The following KIAA1217 variants were observed in gnomAD, a reference collection of about 807,000 sequenced individuals.
KIAA1217 encodes the protein sickle tail protein homolog.
KIAA1217 carries 88 observed loss-of-function variants against 163.9 expected under a neutral mutation model. The observed-to-expected ratio is 0.54, with a 90% CI of 0.45 to 0.64. KIAA1217 has a LOEUF of 0.64. Ranked by LOEUF, KIAA1217 falls within the 30% of genes least tolerant of loss-of-function variation. The probability of loss-of-function intolerance (pLI) is 0.00; values close to 1 mark genes in which losing one functional copy is unlikely to be tolerated. For synonymous variants in KIAA1217, 903 were observed against 923.1 expected (o/e 0.98, Z 0.39); for missense variants, 2,372 against 2,475.0 (o/e 0.96, Z 0.88).
chr10:24,477,311 G>A (rs1223372538), intron 6 of KIAA1217, among the ~76,000 whole-genome samples: 1 of 152,194 alleles, frequency 6.6e-6, no homozygotes, highest in African/African-American at 2.4e-5. Flanking sequence ...ACAACCCAGT[G>A]AGATATGTAC....
At chr10:24,379,362 T>C (rs1932592) in intron 2 of KIAA1217, among the ~76,000 whole-genome samples, 82,377 of 152,170 alleles carry the variant, frequency 0.54, 25,941 homozygotes, top group African/African-American at 0.88. Flanking sequence ...TGGGGACTTG[T>C]ACAGAAAAAT....
At chr10:23,849,996 A>T (rs1839230619) in intron 1 of KIAA1217, among the ~76,000 whole-genome samples, 1 of 152,104 alleles carries the variant, frequency 6.6e-6, no homozygotes, top group Admixed American at 6.6e-5. Flanking sequence ...ACTGCAATGG[A>T]TTTTTTTATT....
At chr10:23,790,855 C>T (rs1008035831) in intron 1 of KIAA1217, among the ~76,000 whole-genome samples, 2 of 151,770 alleles carry the variant, frequency 1.3e-5, no homozygotes, top group Admixed American at 6.6e-5. Flanking sequence ...TGCCTCAGCA[C>T]CCCCCAATAG....
chr10:23,745,334 T>C (rs2130819689), intron 1 of KIAA1217, among the ~76,000 whole-genome samples: 2 of 152,318 alleles, frequency 1.3e-5, no homozygotes, highest in East Asian at 3.9e-4. Context: ...TATATGACAC[T>C]CTAGTTATTT....
chr10:24,200,291 C>T (rs2067194570), intron 2 of KIAA1217, among the ~76,000 whole-genome samples: 1 of 151,444 alleles, frequency 6.6e-6, no homozygotes, highest in Non-Finnish European at 1.5e-5. Flanking sequence ...TCACTGCACT[C>T]TCAAACTCCC....
intron 1 of KIAA1217, among the ~76,000 whole-genome samples, chr10:23,939,335 G>A (rs1843660206): frequency 6.6e-6 from 1 of 152,050 alleles, no homozygotes; most frequent in Non-Finnish European, 1.5e-5. Context: ...CCCTATACGG[G>A]GAGGCATGCA....
intron 1 of KIAA1217, among the ~76,000 whole-genome samples, chr10:23,827,814 T>G (rs934920151): frequency 6.6e-6 from 1 of 152,110 alleles, no homozygotes; most frequent in Non-Finnish European, 1.5e-5. Context: ...TGCAAAGCCA[T>G]GACAACAAGA....
chr10:24,308,287 T>C (rs139865747), intron 2 of KIAA1217, among the ~76,000 whole-genome samples: 299 of 152,306 alleles, frequency 2.0e-3, no homozygotes, highest in African/African-American at 6.3e-3. Context: ...GCAGCCCTCG[T>C]AAGGATATAC....
intron 1 of KIAA1217, among the ~76,000 whole-genome samples, chr10:23,871,797 C>T (rs868476947): frequency 6.6e-6 from 1 of 152,066 alleles, no homozygotes. Context: ...TATGAAAAAT[C>T]AGTAGCAACT....
Position 24,473,713 on chromosome 10 carries a change from G to T in KIAA1217, c.1332G>T (p.Met444Ile), listed in dbSNP as rs1363516731. 1 of 1,614,030 alleles carries T rather than the reference G, an allele frequency of 6.2e-7. No homozygotes were observed. The highest frequency in any genetic ancestry group is 8.5e-7 in the Non-Finnish European group (1 of 1,180,024). ...AYCNPSMQAE[M>I]HMEQSLYRQK... The stretch of plus-strand genomic sequence containing the variant: ...GTAACCCCTCAATGCAAGCGGAAAT[G>T]CATATGGAACAATCACTGTACAGAC... Residue 444 changes from methionine (M) to isoleucine (I), a missense_variant, in exon 6 of 21, where the codon ATG becomes ATT. This residue lies in a region of KIAA1217 where 1,431 missense variants were observed against 1,470.3 expected (regional missense o/e 0.97). Coordinates refer to ENST00000376454, the MANE Select transcript of KIAA1217 (RefSeq NM_019590.5).
intron 2 of KIAA1217, among the ~76,000 whole-genome samples, chr10:24,096,007 C>T (rs551204630): frequency 6.6e-6 from 1 of 152,270 alleles, no homozygotes; most frequent in African/African-American, 2.4e-5. Context: ...ACTTGAGAGG[C>T]TGAGACAGAA....
intron 1 of KIAA1217, among the ~76,000 whole-genome samples, chr10:23,791,276 G>C (rs980071506): frequency 6.6e-6 from 1 of 152,100 alleles, no homozygotes; most frequent in Non-Finnish European, 1.5e-5. Context: ...CAGAAGTTGA[G>C]AGAAGAATAT....
In KIAA1217 at chr10:24,432,983, C is replaced by T. The variant is rs755502280; in HGVS notation, c.554-12C>T. ...TTGACCTGTGACTAATAACTGTTTC[C>T]TTTGTGTGCAGGGGTTCTCTATCTC... On this transcript the variant is annotated splice_polypyrimidine_tract_variant and intron_variant, in intron 3 of 20. Coordinates refer to ENST00000376454, the MANE Select transcript of KIAA1217 (RefSeq NM_019590.5). The T allele has an allele frequency of 1.9e-5, 31 of 1,612,708 alleles. No individual in the cohort carries two copies. The highest frequency in any genetic ancestry group is 1.7e-4 in the Admixed American group (10 of 59,978).
chr10:23,859,210 T>A (rs984438376), intron 1 of KIAA1217, among the ~76,000 whole-genome samples: 4 of 152,230 alleles, frequency 2.6e-5, no homozygotes, highest in Admixed American at 2.6e-4. Flanking sequence ...GTTTCTTTGT[T>A]ATGGACCTAA....
intron 2 of KIAA1217, among the ~76,000 whole-genome samples, chr10:24,309,143 A>G (rs1395180022): frequency 9.3e-6 from 1 of 107,852 alleles, no homozygotes; most frequent in Non-Finnish European, 1.9e-5. Context: ...AAAAAAAGGA[A>G]GGAAGGAAGG....
intron 5 of KIAA1217, among the ~76,000 whole-genome samples, chr10:24,472,057 T>C (rs1242967996): frequency 6.6e-6 from 1 of 152,120 alleles, no homozygotes; most frequent in East Asian, 1.9e-4. Flanking sequence ...TCAAGTAAGC[T>C]AGAGAAAAGC....
At chr10:23,927,155 C>T (rs963158792) in intron 1 of KIAA1217, among the ~76,000 whole-genome samples, 1 of 152,128 alleles carries the variant, frequency 6.6e-6, no homozygotes, top group African/African-American at 2.4e-5. Flanking sequence ...GATCCTCCCA[C>T]CTCAGCCTCC....
At chr10:24,228,859 T>G (rs144735866) in intron 2 of KIAA1217, among the ~76,000 whole-genome samples, 31 of 152,328 alleles carry the variant, frequency 2.0e-4, no homozygotes, top group African/African-American at 7.2e-4. Context: ...TCATTGGCAT[T>G]TTTACAGAAT....
chr10:24,235,504 C>A (rs11013986), intron 2 of KIAA1217, among the ~76,000 whole-genome samples: 51,804 of 152,060 alleles, frequency 0.34, 9,447 homozygotes, highest in Non-Finnish European at 0.42. Context: ...GTGTTGTTTT[C>A]TACCTTTTTC....
Sources: allele counts gnomAD v4.1 joint callset (sites outside exome capture counted in the v4.1 genomes callset), GRCh38; gene constraint gnomAD v4.1.1; regional missense constraint gnomAD v4.1.1; transcripts MANE v1.5; gene names NCBI Gene and HGNC (gene_info 2026-07-23, HGNC 2026-07-21).